LRRC7: variants seen among roughly 807,000 people sequenced by gnomAD.
LRRC7 encodes leucine-rich repeat-containing protein 7.
LRRC7 carries 23 observed loss-of-function variants against 175.7 expected under a neutral mutation model. That is an observed-to-expected ratio of 0.13 (90% CI 0.09 to 0.19). LRRC7 has a LOEUF of 0.19. LRRC7 is among the 10% of genes least tolerant of loss of function. The pLI is 1.00. For synonymous variants in LRRC7, 685 were observed against 680.9 expected, an observed-to-expected ratio of 1.01 and a Z score of -0.09; for missense variants, 1,354 against 1,904.7, an observed-to-expected ratio of 0.71 and a Z score of 5.38.
chr1:69,637,680 GT>G (rs1239100606), intron 1 of LRRC7, among the ~76,000 whole-genome samples: 2 of 151,816 alleles, frequency 1.3e-5, no homozygotes, highest in Non-Finnish European at 2.9e-5. Flanking sequence ...ATGACTATTT[GT>G]AAGCATCTAT....
At chr1:69,923,376 C>A (rs1406080300) in intron 7 of LRRC7, among the ~76,000 whole-genome samples, 24 of 152,072 alleles carry the variant, frequency 1.6e-4, no homozygotes, top group Non-Finnish European at 5.9e-5. Context: ...AGTTCTAGAT[C>A]CCTGAGGAAT....
chr1:69,919,769 C>A, intron 7 of LRRC7: 2 of 939,600 alleles, frequency 2.1e-6, no homozygotes, highest in Admixed American at 1.9e-5. Flanking sequence ...CTGGTTTGCG[C>A]GGCGGACGGG....
At chr1:69,691,121 AAAC>A (rs1661801589) in intron 2 of LRRC7, among the ~76,000 whole-genome samples, 1 of 152,162 alleles carries the variant, frequency 6.6e-6, no homozygotes, top group Non-Finnish European at 1.5e-5. Context: ...AATAGGCCCC[AAAC>A]AACCATGGGG....
chr1:69,583,010 A>G (rs935246654), intron 1 of LRRC7, among the ~76,000 whole-genome samples: 9 of 152,104 alleles, frequency 5.9e-5, no homozygotes, highest in Non-Finnish European at 1.2e-4. Context: ...TAAATATCTA[A>G]TATCTAAACA....
At position 69,792,110 on chromosome 1, in the gene LRRC7, C is replaced by G; in HGVS notation, c.371C>G (p.Thr124Ser). 1 of 1,610,562 alleles carries G rather than the reference C, an allele frequency of 6.2e-7. No homozygotes were observed. The highest frequency in any genetic ancestry group is 8.5e-7 in the Non-Finnish European group (1 of 1,177,490). ...IPDNDLSNLP[T>S]TIASLVNLKE... ...GATAACGACCTTTCAAATCTGCCAA[C>G]CACTATTGCTAGTTTAGTTAATCTT... Residue 124 changes from threonine (T) to serine (S), a missense_variant, in exon 4 of 27, where the codon ACC becomes AGC. Around this residue, in one of 4 missense-constraint regions of LRRC7, gnomAD observed 201 missense variants for 481.4 expected, o/e 0.42. Coordinates refer to ENST00000651989, the MANE Select transcript of LRRC7 (RefSeq NM_001370785.2).
chr1:69,831,088 T>G (rs1430612114), intron 5 of LRRC7, among the ~76,000 whole-genome samples: 1 of 151,952 alleles, frequency 6.6e-6, no homozygotes, highest in Non-Finnish European at 1.5e-5. Context: ...AATAGTAGAC[T>G]GAGAGAAGCT....
At chr1:70,014,187 T>G (rs1257715775) in intron 13 of LRRC7, 2 of 152,044 alleles carry the variant, frequency 1.3e-5, no homozygotes, top group Admixed American at 1.3e-4. Context: ...TTCTGACTTT[T>G]GGCAAGACAT....
At chr1:69,929,614 T>G (rs1448635747) in intron 7 of LRRC7, among the ~76,000 whole-genome samples, 1 of 152,192 alleles carries the variant, frequency 6.6e-6, no homozygotes, top group Non-Finnish European at 1.5e-5. Flanking sequence ...AAGAAAGAAG[T>G]AAAATAGATT....
chr1:69,912,788 T>C (rs1339444229), intron 7 of LRRC7, among the ~76,000 whole-genome samples: 1 of 152,236 alleles, frequency 6.6e-6, no homozygotes, highest in Non-Finnish European at 1.5e-5. Flanking sequence ...TTCAGTCTAA[T>C]TAAACCCTTC....
At chr1:69,840,069 C>T (rs1681558182) in intron 7 of LRRC7, among the ~76,000 whole-genome samples, 1 of 151,846 alleles carries the variant, frequency 6.6e-6, no homozygotes, top group African/African-American at 2.4e-5. Context: ...GACTCATACA[C>T]ATATAACTTA....
chr1:69,776,888 T>C (rs1324024981), intron 3 of LRRC7, among the ~76,000 whole-genome samples: 1 of 149,446 alleles, frequency 6.7e-6, no homozygotes, highest in Non-Finnish European at 1.5e-5. Context: ...GACAGTTAAG[T>C]TTCTGTTTCT....
chr1:69,631,306 T>C (rs1157909436), intron 1 of LRRC7, among the ~76,000 whole-genome samples: 3 of 152,246 alleles, frequency 2.0e-5, no homozygotes, highest in Middle Eastern at 3.4e-3. Context: ...CTGTTTTACA[T>C]GATACCATAT....
At chr1:69,909,607 C>T (rs1646454120) in intron 7 of LRRC7, among the ~76,000 whole-genome samples, 1 of 152,186 alleles carries the variant, frequency 6.6e-6, no homozygotes, top group African/African-American at 2.4e-5. Flanking sequence ...CCCCCACTCT[C>T]TTCTGGCTTG....
At chr1:69,887,023 C>A (rs1265404919) in intron 7 of LRRC7, among the ~76,000 whole-genome samples, 1 of 151,212 alleles carries the variant, frequency 6.6e-6, no homozygotes, top group African/African-American at 2.4e-5. Flanking sequence ...GTGGGTAACC[C>A]GACCTTTCTC....
At chr1:70,001,695 C>T (rs1655536405) in intron 11 of LRRC7, among the ~76,000 whole-genome samples, 1 of 152,146 alleles carries the variant, frequency 6.6e-6, no homozygotes, top group Admixed American at 6.6e-5. Context: ...AAAATGGATT[C>T]CATGACATTT....
intron 3 of LRRC7, among the ~76,000 whole-genome samples, chr1:69,771,335 G>A (rs960308441): frequency 2.0e-5 from 3 of 152,018 alleles, no homozygotes; most frequent in African/African-American, 7.2e-5. Flanking sequence ...TCAGATTTTA[G>A]TTTTTGCTTA....
At chr1:70,033,698 A>G (rs1013815251) in intron 18 of LRRC7, among the ~76,000 whole-genome samples, 1 of 152,150 alleles carries the variant, frequency 6.6e-6, no homozygotes, top group African/African-American at 2.4e-5. Flanking sequence ...TCCGGTCATA[A>G]TTTTGGTATA....
intron 2 of LRRC7, among the ~76,000 whole-genome samples, chr1:69,741,682 G>A (rs181061674): frequency 6.6e-6 from 1 of 151,980 alleles, no homozygotes; most frequent in Non-Finnish European, 1.5e-5. Context: ...GCAAGCTAAA[G>A]AAGACTTACG....
chr1:70,083,048 G>A (rs1171147930), intron 24 of LRRC7, among the ~76,000 whole-genome samples: 2 of 151,868 alleles, frequency 1.3e-5, no homozygotes, highest in East Asian at 3.9e-4. Flanking sequence ...GCCTCTCAAA[G>A]CTCTGGGATT....
Sources: allele counts gnomAD v4.1 joint callset (sites outside exome capture counted in the v4.1 genomes callset), GRCh38; gene constraint gnomAD v4.1.1; regional missense constraint gnomAD v4.1.1; transcripts MANE v1.5; gene names NCBI Gene and HGNC (gene_info 2026-07-23, HGNC 2026-07-21).